Variants in LRRC4C observed in about 807,000 individuals in gnomAD.
LRRC4C encodes leucine-rich repeat-containing protein 4C.
In LRRC4C, 5 loss-of-function variants were observed where a neutral mutation model predicts 33.6. The ratio of observed to expected loss-of-function variants is 0.15; its 90% CI spans 0.08 to 0.31. The LOEUF (loss-of-function observed/expected upper bound fraction) is 0.31, where lower values mean the gene tolerates loss of function less well. Among genes scored for constraint, LRRC4C ranks in the 10% least tolerant of loss-of-function variants. The probability of loss-of-function intolerance (pLI) is 1.00; values close to 1 mark genes in which losing one functional copy is unlikely to be tolerated. For missense variants in LRRC4C, 560 were observed against 796.7 expected (o/e 0.70, Z 3.58); for synonymous variants, 329 against 302.0 (o/e 1.09, Z -0.93).
At chr11:40,242,402 CT>C (rs747877205) in intron 4 of LRRC4C, among the ~76,000 whole-genome samples, 147 of 152,144 alleles carry the variant, frequency 9.7e-4, no homozygotes, top group Admixed American at 2.9e-3. Flanking sequence ...TGTTTTTCCC[CT>C]TTTCTCCTTT....
chr11:40,161,271 A>G (rs1859130807), intron 5 of LRRC4C, among the ~76,000 whole-genome samples: 2 of 152,212 alleles, frequency 1.3e-5, no homozygotes, highest in African/African-American at 4.8e-5. Flanking sequence ...GCCATGCTTT[A>G]CATTTTGTTA....
intron 1 of LRRC4C, among the ~76,000 whole-genome samples, chr11:41,215,024 A>ATATG (rs1202660785): frequency 6.8e-6 from 1 of 146,650 alleles, no homozygotes; most frequent in Non-Finnish European, 1.5e-5. Flanking sequence ...GTATATATAT[A>ATATG]TATATATATA....
chr11:41,221,142 C>A (rs1041645652), intron 1 of LRRC4C, among the ~76,000 whole-genome samples: 2 of 152,074 alleles, frequency 1.3e-5, no homozygotes, highest in African/African-American at 4.8e-5. Context: ...CCTCTTCCGA[C>A]CCTCCACCTT....
chr11:41,280,664 T>C (rs1949634573), intron 1 of LRRC4C, among the ~76,000 whole-genome samples: 1 of 152,136 alleles, frequency 6.6e-6, no homozygotes, highest in Non-Finnish European at 1.5e-5. Flanking sequence ...AAGACTAAGA[T>C]AAAAGTATGC....
intron 5 of LRRC4C, among the ~76,000 whole-genome samples, chr11:40,212,011 T>C (rs1181451605): frequency 1.3e-5 from 2 of 152,192 alleles, no homozygotes; most frequent in African/African-American, 4.8e-5. Context: ...GAATAAACCC[T>C]ATGTGCTGAT....
intron 3 of LRRC4C, among the ~76,000 whole-genome samples, chr11:40,325,052 TTTATTA>T (rs926987329): frequency 2.0e-5 from 3 of 152,116 alleles, no homozygotes; most frequent in Non-Finnish European, 4.4e-5. Context: ...CCATTATTAC[TTTATTA>T]TTATTATTAG....
intron 1 of LRRC4C, among the ~76,000 whole-genome samples, chr11:41,306,004 C>T (rs1950492295): frequency 6.9e-6 from 1 of 145,874 alleles, no homozygotes. Flanking sequence ...CCCCCTGGGC[C>T]CCCTTATTTC....
At chr11:40,914,465 G>A (rs151138913) in intron 2 of LRRC4C, among the ~76,000 whole-genome samples, 1 of 152,138 alleles carries the variant, frequency 6.6e-6, no homozygotes, top group African/African-American at 2.4e-5. Context: ...TATCTCAATA[G>A]GTGCAGACAA....
chr11:40,716,752 AACCCATT>A (rs1849882923), intron 2 of LRRC4C, among the ~76,000 whole-genome samples: 1 of 152,170 alleles, frequency 6.6e-6, no homozygotes, highest in East Asian at 1.9e-4. Flanking sequence ...AAATTTGTCA[AACCCATT>A]ACCCTTATTA....
intron 2 of LRRC4C, among the ~76,000 whole-genome samples, chr11:40,933,038 A>G (rs1422846792): frequency 6.6e-6 from 1 of 152,180 alleles, no homozygotes; most frequent in Non-Finnish European, 1.5e-5. Flanking sequence ...ATAGAGAGCT[A>G]GAGGGTTGGA....
chr11:41,443,680 A>C (rs1024454172), intron 1 of LRRC4C, among the ~76,000 whole-genome samples: 2 of 149,462 alleles, frequency 1.3e-5, no homozygotes, highest in African/African-American at 2.5e-5. Flanking sequence ...CAATGGTGCA[A>C]TCTCAGCTCA....
At chr11:40,910,167 A>G (rs936467587) in intron 2 of LRRC4C, among the ~76,000 whole-genome samples, 12 of 152,180 alleles carry the variant, frequency 7.9e-5, no homozygotes, top group Non-Finnish European at 1.6e-4. Flanking sequence ...TTTAGGATAT[A>G]CCTATCATCA....
intron 1 of LRRC4C, among the ~76,000 whole-genome samples, chr11:41,219,022 C>T (rs1192429598): frequency 1.3e-5 from 2 of 152,056 alleles, no homozygotes; most frequent in Admixed American, 6.6e-5. Context: ...CCGCCCACCT[C>T]GGCCTCCCAA....
intron 3 of LRRC4C, among the ~76,000 whole-genome samples, chr11:40,451,661 A>G (rs1223309886): frequency 6.6e-6 from 1 of 152,140 alleles, no homozygotes; most frequent in African/African-American, 2.4e-5. Flanking sequence ...CTGAGATTAC[A>G]GGCATAAGCC....
chr11:40,213,735 A>T (rs188099580), intron 5 of LRRC4C, among the ~76,000 whole-genome samples: 1 of 152,296 alleles, frequency 6.6e-6, no homozygotes, highest in Admixed American at 6.5e-5. Flanking sequence ...TGACACAGGC[A>T]TATTTAATTT....
chr11:40,691,200 CA>C (rs568680769), intron 2 of LRRC4C, among the ~76,000 whole-genome samples: 13 of 150,378 alleles, frequency 8.6e-5, no homozygotes, highest in African/African-American at 2.7e-4. Flanking sequence ...TGATAAAAAA[CA>C]AAAAAAAACC....
At chr11:41,040,335 G>T (rs572429638) in intron 1 of LRRC4C, among the ~76,000 whole-genome samples, 1 of 151,940 alleles carries the variant, frequency 6.6e-6, no homozygotes, top group Non-Finnish European at 1.5e-5. Flanking sequence ...ATCAAGAAAC[G>T]TGGGATTAGT....
chr11:40,374,084 A>G (rs1410358640), intron 3 of LRRC4C, among the ~76,000 whole-genome samples: 1 of 152,216 alleles, frequency 6.6e-6, no homozygotes, highest in Non-Finnish European at 1.5e-5. Flanking sequence ...AAAGTTTAAC[A>G]ACAACAAGCT....
At chr11:40,304,354 AAAAGG>A (rs1944924416) in intron 4 of LRRC4C, among the ~76,000 whole-genome samples, 2 of 152,204 alleles carry the variant, frequency 1.3e-5, no homozygotes, top group Non-Finnish European at 1.5e-5. Context: ...GAACAAAAAG[AAAAGG>A]AAAGTCAAGA....
Sources: allele counts gnomAD v4.1 joint callset (sites outside exome capture counted in the v4.1 genomes callset), GRCh38; gene constraint gnomAD v4.1.1; transcripts MANE v1.5; gene names NCBI Gene and HGNC (gene_info 2026-07-23, HGNC 2026-07-21).